Variants in CIBAR1 observed in about 807,000 individuals in gnomAD.
The protein encoded by CIBAR1 is CBY1 interacting BAR domain containing 1.
Under a neutral mutation model 44.0 loss-of-function variants are expected in CIBAR1, and 25 were observed. The observed-to-expected ratio is 0.57, with a 90% CI of 0.41 to 0.79. The LOEUF (loss-of-function observed/expected upper bound fraction) is 0.79. Ranked by LOEUF, CIBAR1 falls within the 30% of genes least tolerant of loss-of-function variation. The probability of loss-of-function intolerance (pLI) is 0.00; values close to 1 mark genes in which losing one functional copy is unlikely to be tolerated. For missense variants in CIBAR1, 278 were observed against 344.8 expected, an observed-to-expected ratio of 0.81 and a Z score of 1.53; for synonymous variants, 115 against 119.0, an observed-to-expected ratio of 0.97 and a Z score of 0.22.
At chr8:93,709,615 A>G in intron 5 of CIBAR1, 156 bp from the exon 6 acceptor site, 1 of 659,930 alleles carries the variant, frequency 1.5e-6, no homozygotes, top group Non-Finnish European at 2.7e-6. Flanking sequence ...GTGCTTACAT[A>G]GATCATTTTA....
In CIBAR1 at chr8:93,700,955, C is replaced by T. The variant is rs1056964115; in HGVS notation, c.27-269C>T. ...GAAGCCTAGGAGGCAGCCGGGCGCC[C>T]AGGCCGCGCTGCGCGGAGCAGCCGG... On this transcript the variant is annotated intron_variant, in intron 1 of 8. Coordinates refer to ENST00000518322, the MANE Select transcript of CIBAR1 (RefSeq NM_145269.5). 14 of 1,374,180 alleles carry T rather than the reference C, an allele frequency of 1.0e-5. No homozygotes were observed. In the African/African-American group the frequency reaches 2.1e-4, roughly 21 times the overall value. 85.1% of individuals were successfully genotyped at this position (1,374,180 alleles called of 1,614,324 possible). A position where few individuals can be genotyped will look rare whatever the true frequency, so the allele number is the denominator to read the frequency against.
intron 4 of CIBAR1, among the ~76,000 whole-genome samples, chr8:93,707,455 A>G (rs982955602): frequency 2.0e-4 from 31 of 152,244 alleles, no homozygotes; most frequent in African/African-American, 6.8e-4. Flanking sequence ...GAAAATATCA[A>G]TAAATGAGGA....
chr8:93,726,176 AAT>A, intron 7 of CIBAR1: 1 of 408,346 alleles, frequency 2.4e-6, no homozygotes, highest in Non-Finnish European at 4.4e-6. Context: ...ATTACTGTTT[AAT>A]ATCTGTCATC....
intron 3 of CIBAR1, among the ~76,000 whole-genome samples, chr8:93,703,995 C>G (rs953086199): frequency 1.3e-5 from 2 of 150,978 alleles, no homozygotes; most frequent in African/African-American, 2.4e-5. Flanking sequence ...ACCCAGGAGG[C>G]AGAGGTTGCA....
Position 93,729,332 on chromosome 8 carries a change from T to A in CIBAR1, c.*1035T>A, listed in dbSNP as rs1200989250. On this transcript the variant is annotated 3_prime_UTR_variant, in exon 9 of 9. Transcript: ENST00000518322. Reference sequence around the variant, plus strand: ...CTAAGTGACAAAGTTGTTTCAGTACTTTTTTGTAAAATATTTAAAACATTT... The same window carrying A: ...CTAAGTGACAAAGTTGTTTCAGTACATTTTTGTAAAATATTTAAAACATTT... The A allele has an allele frequency of 6.6e-6, 1 of 152,178 alleles. No homozygotes were observed. The highest frequency in any genetic ancestry group is 1.5e-5 in the Non-Finnish European group (1 of 67,986). The allele number at this position is 152,178 out of a possible 1,614,324, so 9.4% of individuals were successfully genotyped here.
intron 8 of CIBAR1, among the ~76,000 whole-genome samples, chr8:93,727,653 C>T (rs555595154): frequency 6.6e-6 from 1 of 152,298 alleles, no homozygotes; most frequent in African/African-American, 2.4e-5. Context: ...CCAATACTGA[C>T]AAACAACAGT....
rs753094477 is a variant in CIBAR1 at position 93,701,465 on chromosome 8, A to C, written c.261+7A>C. The C allele has an allele frequency of 1.9e-6, 3 of 1,609,716 alleles. No individual in the cohort carries two copies. The highest frequency in any genetic ancestry group is 2.5e-6 in the Non-Finnish European group (3 of 1,177,436). ...GGATTATCGACAAGCAGAGGTATGGAGTGAGATCACAGTGTCATTGTTATG... is the reference window on the plus strand; with the variant it reads ...GGATTATCGACAAGCAGAGGTATGGCGTGAGATCACAGTGTCATTGTTATG... On this transcript the variant is annotated splice_region_variant and intron_variant, in intron 2 of 8. Transcript: ENST00000518322.
intron 3 of CIBAR1, 138 bp from the exon 4 acceptor site, chr8:93,704,771 T>G (rs1255305852): frequency 5.3e-6 from 3 of 561,506 alleles, no homozygotes; most frequent in Admixed American, 3.4e-5. Context: ...TACTTGTAAT[T>G]CCTGTGGTAA....
At chr8:93,722,532 A>G (rs1811305924) in intron 7 of CIBAR1, among the ~76,000 whole-genome samples, 2 of 152,134 alleles carry the variant, frequency 1.3e-5, no homozygotes, top group Non-Finnish European at 2.9e-5. Context: ...CTCTGTCTCT[A>G]CTAAAGATAT....
intron 7 of CIBAR1, chr8:93,726,104 T>C (rs1469944407): frequency 7.1e-6 from 2 of 280,692 alleles, no homozygotes; most frequent in African/African-American, 4.5e-5. Context: ...TGCATGCTCT[T>C]TGAGGGTCTC....
intron 2 of CIBAR1, 145 bp from the exon 3 acceptor site, chr8:93,703,475 A>T: frequency 1.9e-6 from 1 of 516,940 alleles, no homozygotes. Flanking sequence ...GTGCTTTTCT[A>T]CTTTTACTAT....
intron 7 of CIBAR1, among the ~76,000 whole-genome samples, chr8:93,724,761 G>A (rs1050037798): frequency 2.0e-5 from 3 of 152,150 alleles, no homozygotes; most frequent in East Asian, 1.9e-4. Context: ...CCTCGGCCAC[G>A]TGAACCACAT....
Position 93,726,343 on chromosome 8 carries a change from CTTGA to C in CIBAR1, c.658-48_658-45del, listed in dbSNP as rs1368184121. On this transcript the variant is annotated intron_variant, in intron 7 of 8. Coordinates refer to ENST00000518322, the MANE Select transcript of CIBAR1 (RefSeq NM_145269.5). ...TAACTAAGGAACTTAATTTGACTGT[CTTGA>C]TTTTGTTTAGCATCTACTTTATAAT... 5 of 1,473,236 alleles carry C rather than the reference CTTGA, an allele frequency of 3.4e-6. No homozygotes were observed. The African/African-American group carries it at 7.1e-5, about 21-fold the overall frequency. The allele number at this position is 1,473,236 out of a possible 1,614,324, so 91.3% of individuals were successfully genotyped here.
intron 7 of CIBAR1, among the ~76,000 whole-genome samples, chr8:93,725,125 A>G (rs1352391547): frequency 2.0e-5 from 3 of 151,984 alleles, no homozygotes; most frequent in African/African-American, 7.2e-5. Flanking sequence ...TGGGACTACA[A>G]GCATGCACCA....
rs569301853 is a variant in CIBAR1 at position 93,728,300 on chromosome 8, T to G, written c.*3T>G. The G allele has an allele frequency of 1.9e-5, 29 of 1,538,000 alleles. No homozygotes were observed. The South Asian group carries it at 3.3e-4, about 17-fold the overall frequency. ...AAGAAGAAAATTTTCTTAAGTAAAC[T>G]ACACATTTCCATTTTCATCATAAAT... On this transcript the variant is annotated 3_prime_UTR_variant, in exon 9 of 9. Transcript: ENST00000518322.
Position 93,700,593 on chromosome 8 carries a change from C to G in CIBAR1, c.-55C>G. ...TGCGCCCCAGCGCGCGCCCAGGCGC[C>G]TTGGAATCCCCGTCCTTGGGCCCCC... On this transcript the variant is annotated 5_prime_UTR_variant, in exon 1 of 9. Coordinates refer to ENST00000518322, the MANE Select transcript of CIBAR1 (RefSeq NM_145269.5). 1.4e-6 allele frequency: 2 copies of G among 1,458,914 alleles called. No individual in the cohort carries two copies. Among genetic ancestry groups the G allele is most frequent in the Non-Finnish European group, 1.8e-6 (2 of 1,104,210 alleles). The allele number at this position is 1,458,914 out of a possible 1,614,324, so 90.4% of individuals were successfully genotyped here.
chr8:93,719,543 G>C (rs1468723968), intron 7 of CIBAR1: 1 of 152,214 alleles, frequency 6.6e-6, no homozygotes, highest in African/African-American at 2.4e-5. Context: ...AGCAGGCTTA[G>C]AGGATTTAAA....
rs117188335 is a variant in CIBAR1, at chr8:93,717,703, G to T, written c.544-972G>T. Among the ~76,000 whole-genome samples, 351 of 152,308 alleles carry T rather than the reference G, an allele frequency of 2.3e-3. 1 individual carries two copies. Among genetic ancestry groups the T allele is most frequent in the Non-Finnish European group, 4.1e-3 (280 of 68,026 alleles). On this transcript the variant is annotated intron_variant, in intron 6 of 8. Transcript: ENST00000518322. ...TAGGAGAGCAGGGATGAAGGAAAATGTGTATTTGACTACTGCCTACTAATA... is the reference window on the plus strand; with the variant it reads ...TAGGAGAGCAGGGATGAAGGAAAATTTGTATTTGACTACTGCCTACTAATA...
chr8:93,729,946 T>G lies in CIBAR1; in HGVS notation c.*1649T>G, dbSNP rs1456124089. 1.3e-5 allele frequency: 2 copies of G among 152,166 alleles called. No individual in the cohort carries two copies. The highest frequency in any genetic ancestry group is 2.9e-5 in the Non-Finnish European group (2 of 68,020). 9.4% of individuals were successfully genotyped at this position (152,166 alleles called of 1,614,324 possible). A position where few individuals can be genotyped will look rare whatever the true frequency, so the allele number is the denominator to read the frequency against. On this transcript the variant is annotated 3_prime_UTR_variant, in exon 9 of 9. Transcript: ENST00000518322. ...GCTTGGGACCAGAAGTATTTAAGAC[T>G]TTGGATTTCTTCAGATTTTGGAGTA...
Sources: allele counts gnomAD v4.1 joint callset (sites outside exome capture counted in the v4.1 genomes callset), GRCh38; gene constraint gnomAD v4.1.1; transcripts MANE v1.5; gene names NCBI Gene and HGNC (gene_info 2026-07-23, HGNC 2026-07-21).